The following ZBTB25 variants were observed in gnomAD, a reference collection of about 807,000 sequenced individuals.
ZBTB25 encodes zinc finger and BTB domain-containing protein 25.
ZBTB25 carries 20 observed loss-of-function variants against 34.2 expected under a neutral mutation model. That is an observed-to-expected ratio of 0.58 (90% CI 0.41 to 0.85). ZBTB25 has a LOEUF of 0.85. Among genes scored for constraint, ZBTB25 ranks in the 40% least tolerant of loss-of-function variants. ZBTB25 has a pLI of 0.00. For synonymous variants in ZBTB25, 175 were observed against 186.4 expected, an observed-to-expected ratio of 0.94 and a Z score of 0.50; for missense variants, 437 against 521.8, an observed-to-expected ratio of 0.84 and a Z score of 1.58.
chr14:64,459,276 G>C (rs535815280), intron 2 of ZBTB25, among the ~76,000 whole-genome samples: 1 of 152,282 alleles, frequency 6.6e-6, no homozygotes, highest in Admixed American at 6.5e-5. Context: ...ACCCTCATTT[G>C]GACATTAGCG....
Position 64,503,643 on chromosome 14 carries a change from C to T in ZBTB25, c.-8+18G>A, listed in dbSNP as rs1254298490. Reference sequence around the variant, plus strand: ...CTGAGCCCGGGGCAGCCCACAGGGGCAGGACCGCGTCGCTTACCCAGATGC... The same window carrying T: ...CTGAGCCCGGGGCAGCCCACAGGGGTAGGACCGCGTCGCTTACCCAGATGC... On this transcript the variant is annotated intron_variant, in intron 1 of 2. Coordinates refer to ENST00000608382, the MANE Select transcript of ZBTB25 (RefSeq NM_006977.5). 4.1e-6 allele frequency: 4 copies of T among 982,966 alleles called. No individual in the cohort carries two copies. Among genetic ancestry groups the T allele is most frequent in the East Asian group, 2.3e-4 (2 of 8,796 alleles). The allele number at this position is 982,966 out of a possible 1,614,324, so 60.9% of individuals were successfully genotyped here. A position where few individuals can be genotyped will look rare whatever the true frequency, so the allele number is the denominator to read the frequency against.
chr14:64,503,075 C>T (rs1435278691), intron 1 of ZBTB25: 1 of 985,346 alleles, frequency 1.0e-6, no homozygotes, highest in Admixed American at 6.1e-5. Context: ...CTGGTAACAA[C>T]TGATTACTCC....
At position 64,485,496 on chromosome 14, in the gene ZBTB25, A is replaced by G. The variant is rs958646306; in HGVS notation, c.*1427T>C. 2.0e-6 allele frequency: 2 copies of G among 985,276 alleles called. No individual in the cohort carries two copies. The highest frequency in any genetic ancestry group is 3.5e-5 in the African/African-American group (2 of 57,236). The allele number at this position is 985,276 out of a possible 1,614,324, so 61.0% of individuals were successfully genotyped here. On this transcript the variant is annotated 3_prime_UTR_variant, in exon 3 of 3. Coordinates refer to ENST00000608382, the MANE Select transcript of ZBTB25 (RefSeq NM_006977.5). ...TTTCCCAGGTATATAGAGCCGGGGA[A>G]TCTGTTATTTCTTTCATCAACTTTA... is the stretch of plus-strand genomic sequence containing the variant.
chr14:64,465,520 G>A (rs925461606), intron 2 of ZBTB25: 3 of 152,084 alleles, frequency 2.0e-5, no homozygotes, highest in African/African-American at 7.2e-5. Flanking sequence ...CTTGCTCCGG[G>A]TGCGACCGCG....
At chr14:64,489,022 G>A (rs2078979217) in intron 2 of ZBTB25, among the ~76,000 whole-genome samples, 1 of 152,178 alleles carries the variant, frequency 6.6e-6, no homozygotes, top group South Asian at 2.1e-4. Flanking sequence ...CGAGGCAGGT[G>A]GATCATCTGA....
rs772027302 is a variant in ZBTB25 at position 64,487,092 on chromosome 14, C to T, written c.1139G>A (p.Arg380Gln). 2.7e-5 allele frequency: 44 copies of T among 1,614,150 alleles called. No homozygotes were observed. Among genetic ancestry groups the T allele is most frequent in the Middle Eastern group, 3.3e-4 (2 of 6,062 alleles). Reference protein sequence around the residue: ...THKGKSYRYNRCQRFGNALAQ... With the variant: ...THKGKSYRYNQCQRFGNALAQ... ...CAATGCATTACCAAACCTTTGGCAT[C>T]GGTTATATCTGTAAGATTTACCTTT... Residue 380 changes from arginine (R) to glutamine (Q), a missense_variant, in exon 3 of 3, where the codon CGA becomes CAA. By Grantham distance (43) the Arg-to-Gln change is conservative. Coordinates refer to ENST00000608382, the MANE Select transcript of ZBTB25 (RefSeq NM_006977.5).
At chr14:64,454,381 G>A (rs1029183131) in intron 2 of ZBTB25, among the ~76,000 whole-genome samples, 3 of 152,024 alleles carry the variant, frequency 2.0e-5, no homozygotes, top group African/African-American at 7.3e-5. Context: ...CCAAAGTGCT[G>A]GAATTTATAG....
At chr14:64,464,649 T>C (rs1487408025) in intron 2 of ZBTB25, among the ~76,000 whole-genome samples, 1 of 152,214 alleles carries the variant, frequency 6.6e-6, no homozygotes, top group Admixed American at 6.5e-5. Context: ...CTGGATGCTA[T>C]GCTATGGGGG....
chr14:64,500,721 G>A (rs947330984), intron 1 of ZBTB25, among the ~76,000 whole-genome samples: 1 of 151,594 alleles, frequency 6.6e-6, no homozygotes, highest in Non-Finnish European at 1.5e-5. Flanking sequence ...CCAATAAGGG[G>A]GAAAAACTCA....
chr14:64,487,093 G>A lies in ZBTB25; in HGVS notation c.1138C>T (p.Arg380Ter), dbSNP rs752367042. The change falls in exon 3 of 3, where the codon CGA (arginine) becomes TGA (stop). Residue 380 changes from arginine to a stop codon, truncating the protein, a stop_gained. Transcript: ENST00000608382. LOFTEE classifies it high-confidence loss of function. The part of the protein sequence containing the change: ...THKGKSYRYN[R>*]CQRFGNALAQ... ...AATGCATTACCAAACCTTTGGCATC[G>A]GTTATATCTGTAAGATTTACCTTTG... 5 of 1,614,116 alleles carry A rather than the reference G, an allele frequency of 3.1e-6. No individual in the cohort carries two copies. Among genetic ancestry groups the A allele is most frequent in the East Asian group, 2.2e-5 (1 of 44,880 alleles).
chr14:64,488,617 A>G (rs1235678821), intron 2 of ZBTB25, among the ~76,000 whole-genome samples: 1 of 152,246 alleles, frequency 6.6e-6, no homozygotes, highest in Non-Finnish European at 1.5e-5. Flanking sequence ...TACATGCTAC[A>G]ACATGGAGAA....
At chr14:64,476,830 T>C (rs921480027), downstream of ZBTB25, among the ~76,000 whole-genome samples, 8 of 152,230 alleles carry the variant, frequency 5.3e-5, no homozygotes, top group Non-Finnish European at 1.2e-4. Context: ...TGAATTTGTT[T>C]AGAATTCTTT....
At chr14:64,455,062 C>T in intron 2 of ZBTB25, 1 of 631,682 alleles carries the variant, frequency 1.6e-6, no homozygotes, top group East Asian at 2.8e-5. Flanking sequence ...TTGCTGTGGA[C>T]CATCTTGGTG....
intron 1 of ZBTB25, among the ~76,000 whole-genome samples, chr14:64,493,254 A>G (rs1644689751): frequency 6.6e-6 from 1 of 152,252 alleles, no homozygotes; most frequent in South Asian, 2.1e-4. Context: ...AGAGCGTGGT[A>G]GTTAAAGCTT....
At chr14:64,476,683 T>C (rs1376734573), downstream of ZBTB25, among the ~76,000 whole-genome samples, 1 of 152,150 alleles carries the variant, frequency 6.6e-6, no homozygotes, top group African/African-American at 2.4e-5. Flanking sequence ...TCGTACTCTA[T>C]ATGGCTGAGA....
chr14:64,460,743 C>G (rs918883915), intron 2 of ZBTB25: 2 of 152,180 alleles, frequency 1.3e-5, no homozygotes, highest in African/African-American at 4.8e-5. Context: ...CCTCTTCTGG[C>G]TGGGCGTGGA....
At position 64,483,034 on chromosome 14, in the gene ZBTB25, T is replaced by C. The variant is rs1480552586; in HGVS notation, c.*3889A>G. On this transcript the variant is annotated 3_prime_UTR_variant, in exon 3 of 3. Coordinates refer to ENST00000608382, the MANE Select transcript of ZBTB25 (RefSeq NM_006977.5). ...CTGATGATACGCTAATAAGAACAAA[T>C]ACTAAAACAGTCTCTATTTTTCTCC... 6.6e-6 allele frequency: 1 copy of C among 152,192 alleles called. No individual in the cohort carries two copies. Among genetic ancestry groups the C allele is most frequent in the Non-Finnish European group, 1.5e-5 (1 of 68,036 alleles). The allele number at this position is 152,192 out of a possible 1,614,324, so 9.4% of individuals were successfully genotyped here. A position where few individuals can be genotyped will look rare whatever the true frequency, so the allele number is the denominator to read the frequency against.
intron 1 of ZBTB25, chr14:64,503,360 C>A: frequency 1.0e-6 from 1 of 982,430 alleles, no homozygotes; most frequent in Non-Finnish European, 1.2e-6. Context: ...GCACCCGGAC[C>A]CGCGGCCGGG....
At chr14:64,454,752 T>G (rs780440085) in intron 2 of ZBTB25, 1 of 1,614,024 alleles carries the variant, frequency 6.2e-7, no homozygotes, top group East Asian at 2.2e-5. Context: ...TCTGCATGGC[T>G]AAAACACACT....
Sources: allele counts gnomAD v4.1 joint callset (sites outside exome capture counted in the v4.1 genomes callset), GRCh38; gene constraint gnomAD v4.1.1; transcripts MANE v1.5; gene names NCBI Gene and HGNC (gene_info 2026-07-23, HGNC 2026-07-21).